Variants in STAT5B observed in about 807,000 individuals in gnomAD.
STAT5B encodes signal transducer and activator of transcription 5B, also known as transcription factor STAT5B.
Under a neutral mutation model 107.8 loss-of-function variants are expected in STAT5B, and 21 were observed. The ratio of observed to expected loss-of-function variants is 0.19; its 90% CI spans 0.14 to 0.28. The LOEUF (loss-of-function observed/expected upper bound fraction) is 0.28. STAT5B is among the 10% of genes least tolerant of loss of function. STAT5B has a pLI of 1.00. For missense variants in STAT5B, 565 were observed against 1,008.2 expected (o/e 0.56, Z 5.95); for synonymous variants, 325 against 401.7 (o/e 0.81, Z 2.28).
chr17:42,237,771 G>A (rs1030262840), intron 1 of STAT5B, among the ~76,000 whole-genome samples: 4 of 152,058 alleles, frequency 2.6e-5, no homozygotes, highest in African/African-American at 7.3e-5. Context: ...ACCTAAATAC[G>A]GTTCTGCCAA....
intron 16 of STAT5B, 66 bp downstream of exon 16, chr17:42,207,492 C>CAA (rs1360311241): frequency 1.1e-6 from 1 of 922,134 alleles, no homozygotes; most frequent in Non-Finnish European, 1.5e-6. Context: ...GGTATGCACA[C>CAA]ACACACACAC....
intron 1 of STAT5B, among the ~76,000 whole-genome samples, chr17:42,248,451 A>C (rs1054915395): frequency 6.6e-6 from 1 of 152,178 alleles, no homozygotes; most frequent in Non-Finnish European, 1.5e-5. Context: ...ATGAACTAAA[A>C]TTGTGCACAA....
intron 9 of STAT5B, 54 bp from the exon 10 acceptor site, chr17:42,217,518 C>T (rs2080182556): frequency 5.7e-6 from 9 of 1,592,880 alleles, no homozygotes; most frequent in African/African-American, 1.3e-5. Context: ...TCAGGACATG[C>T]GGAGTAAATA....
At chr17:42,281,870 G>A in the STAT5B span, among the ~76,000 whole-genome samples, 8 of 152,334 alleles carry the variant, frequency 5.3e-5, no homozygotes, top group Non-Finnish European at 5.9e-5. Flanking sequence ...AGGGTGGGGC[G>A]GACGCAGAGG....
intron 1 of STAT5B, among the ~76,000 whole-genome samples, chr17:42,240,002 C>T (rs143441541): frequency 1.2e-4 from 18 of 152,270 alleles, no homozygotes; most frequent in African/African-American, 3.9e-4. Context: ...GGCACGGTGG[C>T]GGGTGCCTGT....
At chr17:42,258,010 A>C (rs1038876873) in intron 1 of STAT5B, among the ~76,000 whole-genome samples, 14 of 152,346 alleles carry the variant, frequency 9.2e-5, no homozygotes, top group Non-Finnish European at 1.8e-4. Context: ...TCCTTAGAGC[A>C]TAACAACTTT....
At chr17:42,221,839 G>A (rs1351050625) in intron 5 of STAT5B, among the ~76,000 whole-genome samples, 1 of 152,128 alleles carries the variant, frequency 6.6e-6, no homozygotes, top group African/African-American at 2.4e-5. Context: ...GAGTAAATAA[G>A]TAGTATCACT....
At chr17:42,210,885 A>G (rs1007937584) in intron 13 of STAT5B, among the ~76,000 whole-genome samples, 1 of 152,184 alleles carries the variant, frequency 6.6e-6, no homozygotes, top group African/African-American at 2.4e-5. Flanking sequence ...GGGTGTAGGA[A>G]AAGAAACAAA....
intron 1 of STAT5B, among the ~76,000 whole-genome samples, chr17:42,237,229 G>A (rs910203564): frequency 1.3e-5 from 2 of 151,926 alleles, no homozygotes; most frequent in Admixed American, 6.6e-5. Context: ...TAAATCAGTC[G>A]GGCCCTCAGG....
intron 16 of STAT5B, among the ~76,000 whole-genome samples, chr17:42,204,773 C>A (rs1286433629): frequency 6.6e-6 from 1 of 152,202 alleles, no homozygotes; most frequent in South Asian, 2.1e-4. Context: ...CGCCACCAAG[C>A]GCAGCTAACT....
intron 1 of STAT5B, among the ~76,000 whole-genome samples, chr17:42,264,541 C>T (rs2080650228): frequency 6.6e-6 from 1 of 151,952 alleles, no homozygotes; most frequent in Admixed American, 6.6e-5. Flanking sequence ...ATGAACTCAT[C>T]ATTTTTTATG....
At chr17:42,246,230 G>C in intron 1 of STAT5B, among the ~76,000 whole-genome samples, 1 of 151,992 alleles carries the variant, frequency 6.6e-6, no homozygotes, top group Admixed American at 6.6e-5. Context: ...TAAAACACAG[G>C]AAGAAATATT....
At chr17:42,219,903 G>A in intron 5 of STAT5B, 61 bp from the exon 6 acceptor site, 1 of 1,612,670 alleles carries the variant, frequency 6.2e-7, no homozygotes, top group South Asian at 1.1e-5. Context: ...GAGGCCCAGA[G>A]AAGCCCACTC....
At chr17:42,253,313 A>G (rs968492517) in intron 1 of STAT5B, among the ~76,000 whole-genome samples, 32 of 152,184 alleles carry the variant, frequency 2.1e-4, no homozygotes, top group Admixed American at 2.1e-3. Context: ...GATGTCCCCT[A>G]TCTCTGCCAA....
At chr17:42,264,406 G>C (rs1256136770) in intron 1 of STAT5B, among the ~76,000 whole-genome samples, 3 of 133,820 alleles carry the variant, frequency 2.2e-5, no homozygotes, top group African/African-American at 8.7e-5. Flanking sequence ...CCCTTCCTGT[G>C]TCCATGTGTT....
upstream of STAT5B, among the ~76,000 whole-genome samples, chr17:42,280,075 A>C (rs1043823833): frequency 5.3e-5 from 8 of 152,074 alleles, no homozygotes; most frequent in African/African-American, 1.9e-4. Flanking sequence ...TATTCCCTTA[A>C]ATTGAGGGGA....
intron 1 of STAT5B, chr17:42,270,874 G>A (rs184923582): frequency 2.6e-4 from 40 of 152,354 alleles, no homozygotes; most frequent in African/African-American, 9.1e-4. Context: ...CCACTCCTCT[G>A]AGAATCACGA....
intron 1 of STAT5B, among the ~76,000 whole-genome samples, chr17:42,237,389 G>A (rs2080365468): frequency 6.6e-6 from 1 of 152,172 alleles, no homozygotes; most frequent in Non-Finnish European, 1.5e-5. Context: ...TCTTTTCTCA[G>A]ATGCTTTTCC....
intron 1 of STAT5B, among the ~76,000 whole-genome samples, chr17:42,236,486 G>C (rs1772455703): frequency 6.6e-6 from 1 of 152,226 alleles, no homozygotes; most frequent in African/African-American, 2.4e-5. Flanking sequence ...CTGTCGCCTA[G>C]GCTGGAGTGC....
Sources: gnomAD v4.1 joint callset for allele counts (sites outside exome capture counted in the v4.1 genomes callset) on GRCh38, gnomAD v4.1.1 for gene constraint, MANE v1.5 for transcripts, NCBI Gene and HGNC (gene_info 2026-07-23, HGNC 2026-07-21) for gene names.